The following LYPLAL1 variants were observed in gnomAD, a reference collection of about 807,000 sequenced individuals.
LYPLAL1 encodes the protein lysophospholipase like 1.
A neutral mutation model predicts 19.7 loss-of-function variants in LYPLAL1; 23 were observed. The ratio of observed to expected loss-of-function variants is 1.17; its 90% confidence interval spans 0.84 to 1.65. The LOEUF (loss-of-function observed/expected upper bound fraction) is 1.65, where lower values mean the gene tolerates loss of function less well. Among genes scored for constraint, LYPLAL1 ranks in the 40% most tolerant of loss-of-function variants. LYPLAL1 has a pLI of 0.00. For missense variants in LYPLAL1, 355 were observed against 279.4 expected (o/e 1.27, Z -1.93); for synonymous variants, 119 against 96.3 (o/e 1.24, Z -1.38).
chr1:219,352,768 A>G, the LYPLAL1 span, among the ~76,000 whole-genome samples: 5 of 152,130 alleles, frequency 3.3e-5, no homozygotes, highest in African/African-American at 4.8e-5. Context: ...TTGCATCACC[A>G]CTAGCCCAGC....
chr1:219,185,542 A>G (rs1656655990), intron 2 of LYPLAL1, among the ~76,000 whole-genome samples: 2 of 151,872 alleles, frequency 1.3e-5, no homozygotes, highest in South Asian at 2.1e-4. Flanking sequence ...CTGTACTTGT[A>G]TAACAGACCA....
rs200096672 is a variant in LYPLAL1, at chr1:219,210,591, G to A, written c.421G>A (p.Val141Met). ...IHLAYRNHQD[V>M]AGVFALSSFL... ...TTTAGCATATAGAAATCATCAAGAT[G>A]TGGCAGGAGTATTTGCTCTTTCTAG... The change falls in exon 4 of 5, where the codon GTG becomes ATG. Residue 141 changes from valine to methionine, a missense_variant. Val to Met is a conservative substitution (Grantham distance 21). Transcript: ENST00000366928. 1.6e-5 allele frequency: 25 copies of A among 1,610,478 alleles called. No homozygotes were observed. The highest frequency in any genetic ancestry group is 2.1e-5 in the Non-Finnish European group (25 of 1,177,868).
chr1:219,277,269 G>T, the LYPLAL1 span, among the ~76,000 whole-genome samples: 1 of 152,152 alleles, frequency 6.6e-6, no homozygotes, highest in Non-Finnish European at 1.5e-5. Context: ...AGAGCTTAAT[G>T]ATGTGTCCTT....
At chr1:219,247,191 TA>T in the LYPLAL1 span, among the ~76,000 whole-genome samples, 12 of 152,232 alleles carry the variant, frequency 7.9e-5, no homozygotes, top group Admixed American at 7.9e-4. Context: ...ATTTTCATGA[TA>T]ATGTGTTGCA....
the LYPLAL1 span, among the ~76,000 whole-genome samples, chr1:219,347,127 A>C: frequency 3.3e-5 from 5 of 152,130 alleles, no homozygotes; most frequent in South Asian, 1.0e-3. Flanking sequence ...TTTTGCTCTT[A>C]TTAACCATGA....
chr1:219,218,537 G>A, the LYPLAL1 span, among the ~76,000 whole-genome samples: 1 of 150,344 alleles, frequency 6.7e-6, no homozygotes, highest in East Asian at 2.0e-4. Context: ...TATTGTTAGT[G>A]TTAGTGTATT....
At chr1:219,280,917 C>T in the LYPLAL1 span, among the ~76,000 whole-genome samples, 5 of 152,158 alleles carry the variant, frequency 3.3e-5, no homozygotes, top group South Asian at 2.1e-4. Flanking sequence ...AGTGTGGCGG[C>T]GGGCGCCTGT....
chr1:219,237,110 A>G, the LYPLAL1 span, among the ~76,000 whole-genome samples: 1 of 152,232 alleles, frequency 6.6e-6, no homozygotes, highest in Non-Finnish European at 1.5e-5. Context: ...AATGGTTAAG[A>G]CAACATAAAA....
the LYPLAL1 span, among the ~76,000 whole-genome samples, chr1:219,259,690 G>T: frequency 6.6e-6 from 1 of 151,282 alleles, no homozygotes; most frequent in Non-Finnish European, 1.5e-5. Flanking sequence ...TGGGTATAGG[G>T]TACACTGGTC....
the LYPLAL1 span, among the ~76,000 whole-genome samples, chr1:219,384,064 T>C: frequency 6.6e-5 from 10 of 152,290 alleles, no homozygotes; most frequent in African/African-American, 2.2e-4. Flanking sequence ...ATATGTCTTA[T>C]AAGACAAGTT....
the LYPLAL1 span, among the ~76,000 whole-genome samples, chr1:219,400,443 C>T: frequency 6.6e-6 from 1 of 151,782 alleles, no homozygotes; most frequent in Non-Finnish European, 1.5e-5. Flanking sequence ...TTCACCCAGG[C>T]AGTAAACTCA....
the LYPLAL1 span, among the ~76,000 whole-genome samples, chr1:219,308,736 A>C: frequency 5.3e-5 from 8 of 152,198 alleles, no homozygotes; most frequent in African/African-American, 1.9e-4. Flanking sequence ...AGATTTCAGA[A>C]GATGTATGGA....
chr1:219,175,974 G>A (rs1425534975), intron 1 of LYPLAL1, among the ~76,000 whole-genome samples: 1 of 152,154 alleles, frequency 6.6e-6, no homozygotes, highest in Non-Finnish European at 1.5e-5. Context: ...TGGACATTGG[G>A]AATGGATAGA....
the LYPLAL1 span, among the ~76,000 whole-genome samples, chr1:219,439,261 A>G: frequency 6.6e-6 from 1 of 152,118 alleles, no homozygotes; most frequent in Non-Finnish European, 1.5e-5. Context: ...TATGCCTTCC[A>G]TATACCTCTA....
chr1:219,332,639 C>G, the LYPLAL1 span, among the ~76,000 whole-genome samples: 5 of 151,868 alleles, frequency 3.3e-5, 1 homozygote, highest in Admixed American at 1.3e-4. Flanking sequence ...GAATATGGTA[C>G]TTTTATTGCA....
At chr1:219,428,076 C>T in the LYPLAL1 span, among the ~76,000 whole-genome samples, 1 of 152,194 alleles carries the variant, frequency 6.6e-6, no homozygotes, top group Admixed American at 6.5e-5. Context: ...CAGCTGCATA[C>T]ATCTGATGAC....
At chr1:219,317,456 A>C in the LYPLAL1 span, among the ~76,000 whole-genome samples, 1 of 152,264 alleles carries the variant, frequency 6.6e-6, no homozygotes, top group East Asian at 1.9e-4. Flanking sequence ...CACTTCAACC[A>C]TCTTTAGAAA....
the LYPLAL1 span, among the ~76,000 whole-genome samples, chr1:219,432,849 A>G: frequency 6.6e-6 from 1 of 152,220 alleles, no homozygotes; most frequent in Non-Finnish European, 1.5e-5. Flanking sequence ...ACTTCAGCCC[A>G]CTGCATCTTG....
At chr1:219,281,697 G>A in the LYPLAL1 span, among the ~76,000 whole-genome samples, 2 of 152,064 alleles carry the variant, frequency 1.3e-5, no homozygotes, top group Non-Finnish European at 2.9e-5. Context: ...AAAGTGTCTC[G>A]CCTCAATCAT....
Sources: gnomAD v4.1 joint callset for allele counts (sites outside exome capture counted in the v4.1 genomes callset) on GRCh38, gnomAD v4.1.1 for gene constraint, MANE v1.5 for transcripts, NCBI Gene and HGNC (gene_info 2026-07-23, HGNC 2026-07-21) for gene names.